Variants in LEMD2 observed in about 807,000 individuals in gnomAD.
LEMD2 encodes the protein LEM domain nuclear envelope protein 2, also known as LEM domain-containing protein 2.
In LEMD2, 34 loss-of-function variants were observed where a neutral mutation model predicts 58.8. That is an observed-to-expected ratio of 0.58 (90% CI 0.44 to 0.77). The LOEUF is 0.77. Among genes scored for constraint, LEMD2 ranks in the 30% least tolerant of loss-of-function variants. The pLI, the probability that LEMD2 is intolerant of heterozygous loss-of-function variation, is 0.00. For missense variants in LEMD2, 629 were observed against 717.9 expected, an observed-to-expected ratio of 0.88 and a Z score of 1.42; for synonymous variants, 298 against 308.9, an observed-to-expected ratio of 0.96 and a Z score of 0.37.
chr6:33,784,847 C>G (rs1162947377), intron 2 of LEMD2, among the ~76,000 whole-genome samples: 1 of 152,204 alleles, frequency 6.6e-6, no homozygotes, highest in Non-Finnish European at 1.5e-5. Flanking sequence ...GCTAGGAGAG[C>G]TTGCAGACAG....
chr6:33,788,855 A>T lies in LEMD2; in HGVS notation c.262T>A (p.Trp88Arg). 1 of 1,390,902 alleles carries T rather than the reference A, an allele frequency of 7.2e-7. No homozygotes were observed. The highest frequency in any genetic ancestry group is 9.3e-7 in the Non-Finnish European group (1 of 1,079,070). 86.2% of individuals were successfully genotyped at this position (1,390,902 alleles called of 1,614,324 possible). Reference sequence around the variant, plus strand: ...GAGCCCGAGGCCGGCTGGGAGAGCCAGGGCTCCGCCCGCGGAGAGGCCGCG... The same window carrying T: ...GAGCCCGAGGCCGGCTGGGAGAGCCTGGGCTCCGCCCGCGGAGAGGCCGCG... ...PAAASPRAEP[W>R]LSQPASGSAY... Residue 88 changes from tryptophan to arginine, a missense_variant, in exon 1 of 9, where the codon TGG becomes AGG. Physicochemically the swap from Trp to Arg is moderately radical, Grantham distance 101 (BLOSUM62 -3). Transcript: ENST00000293760.
chr6:33,782,236 A>G (rs1767581505), intron 3 of LEMD2: 1 of 152,250 alleles, frequency 6.6e-6, no homozygotes, highest in Non-Finnish European at 1.5e-5. Flanking sequence ...TCCCTTTCCC[A>G]ATCCAGTTGT....
intron 3 of LEMD2, among the ~76,000 whole-genome samples, chr6:33,783,176 G>A (rs1359717895): frequency 1.3e-5 from 2 of 152,160 alleles, no homozygotes; most frequent in African/African-American, 2.4e-5. Flanking sequence ...GAGACACAAA[G>A]GTTTGGAACA....
chr6:33,784,477 G>GGGGGGGGGGGGGGGGGGGCCCCCCCCC, intron 2 of LEMD2, 50 bp from the exon 3 acceptor site: 1 of 430,810 alleles, frequency 2.3e-6, no homozygotes, highest in Non-Finnish European at 4.8e-6. Flanking sequence ...GGTGGGAGGG[G>GGGGGGGGGGGGGGGGGGGCCCCCCCCC]TCCGTCTGTC....
Position 33,777,232 on chromosome 6 carries a change from A to T in LEMD2, c.1164T>A (p.Ala388=). ...GGAGAATTAGGAGCCCCCACAAAAAAGCCAAGCCTGTGAGGGAACAAAACA... is the reference window on the plus strand; with the variant it reads ...GGAGAATTAGGAGCCCCCACAAAAATGCCAAGCCTGTGAGGGAACAAAACA... ...TNVLIFFWCL[A]FLWGLLILLK... The change falls in exon 7 of 9, where the codon GCT becomes GCA. Residue 388 remains alanine (A), a synonymous_variant. Coordinates refer to ENST00000293760, the MANE Select transcript of LEMD2 (RefSeq NM_181336.4). The T allele has an allele frequency of 1.9e-6, 3 of 1,613,168 alleles. No homozygotes were observed. The highest frequency in any genetic ancestry group is 1.7e-6 in the Non-Finnish European group (2 of 1,179,130).
At chr6:33,784,023 GC>G (rs1767620717) in intron 3 of LEMD2, among the ~76,000 whole-genome samples, 1 of 152,230 alleles carries the variant, frequency 6.6e-6, no homozygotes, top group Admixed American at 6.5e-5. Context: ...CTGGGGCTTG[GC>G]CCCTTCCCAT....
Position 33,788,705 on chromosome 6 carries a change from T to C in LEMD2, c.412A>G (p.Ser138Gly). Reference sequence around the variant, plus strand: ...CGGGCGTCCTCGTCCTCCTCGGAGCTGCCCCGGACCGAGGCGCGGCGCCTG... The same window carrying C: ...CGGGCGTCCTCGTCCTCCTCGGAGCCGCCCCGGACCGAGGCGCGGCGCCTG... ...QLRRRASVRG[S>G]SEEDEDARTP... The change falls in exon 1 of 9, where the codon AGC (serine) becomes GGC (glycine). Residue 138 changes from serine (S) to glycine (G), a missense_variant. Physicochemically the swap from Ser to Gly is moderately conservative, Grantham distance 56. Transcript: ENST00000293760. The C allele has an allele frequency of 7.2e-7, 1 of 1,390,526 alleles. No individual in the cohort carries two copies. The highest frequency in any genetic ancestry group is 9.3e-7 in the Non-Finnish European group (1 of 1,070,500). 86.1% of individuals were successfully genotyped at this position (1,390,526 alleles called of 1,614,324 possible).
rs147300954 is a variant in LEMD2 at position 33,772,773 on chromosome 6, C to A, written c.1367G>T (p.Arg456Leu). 2.5e-6 allele frequency: 4 copies of A among 1,612,840 alleles called. No homozygotes were observed. The highest frequency in any genetic ancestry group is 2.2e-5 in the East Asian group (1 of 44,856). ...AGCTCGGTCCCAGACACGCTTCATG[C>A]GCCTCCTGCAATGAGAGGGACGGGG... The part of the protein sequence containing the change: ...DSLIPPQSRR[R>L]MKRVWDRAVE... The change falls in exon 9 of 9, where the codon CGC becomes CTC. Residue 456 changes from arginine to leucine, a missense_variant. Arg to Leu is a moderately radical substitution (Grantham distance 102). This residue lies in a region of LEMD2 where 243 missense variants were observed against 336.8 expected (regional missense o/e 0.72). Transcript: ENST00000293760.
chr6:33,783,741 T>A (rs1264346042), intron 3 of LEMD2, among the ~76,000 whole-genome samples: 1 of 152,244 alleles, frequency 6.6e-6, no homozygotes, highest in Admixed American at 6.5e-5. Flanking sequence ...GTGCTGAGAA[T>A]GCCCTCCTTT....
intron 3 of LEMD2, chr6:33,781,888 T>C (rs1767572874): frequency 6.6e-6 from 1 of 152,086 alleles, no homozygotes; most frequent in African/African-American, 2.4e-5. Flanking sequence ...GCAGGGAGGG[T>C]GCAGGGCCAC....
At position 33,788,993 on chromosome 6, in the gene LEMD2, C is replaced by T; in HGVS notation, c.124G>A (p.Ala42Thr). ...RNKLRRLRGE[A>T]RLRDEERLRE... ...AGCCGCTCCTCGTCGCGCAGCCGGG[C>T]CTCGCCCCGCAGGCGGCGCAGCTTG... The change falls in exon 1 of 9, where the codon GCC (alanine) becomes ACC (threonine). Residue 42 changes from alanine (A) to threonine (T), a missense_variant. Ala to Thr is a moderately conservative substitution (Grantham distance 58). Around this residue, in one of 2 missense-constraint regions of LEMD2, gnomAD observed 386 missense variants for 381.1 expected, o/e 1.01. Transcript: ENST00000293760. The T allele has an allele frequency of 6.5e-7, 1 of 1,549,092 alleles. No individual in the cohort carries two copies. The highest frequency in any genetic ancestry group is 1.9e-5 in the Admixed American group (1 of 52,158).
At chr6:33,774,797 G>A (rs1429738656) in intron 8 of LEMD2, among the ~76,000 whole-genome samples, 1 of 152,120 alleles carries the variant, frequency 6.6e-6, no homozygotes. Context: ...CTTAGGGCTT[G>A]TCACTACCTA....
intron 8 of LEMD2, 78 bp from the exon 9 acceptor site, chr6:33,772,856 C>T: frequency 7.5e-7 from 1 of 1,327,782 alleles, no homozygotes; most frequent in Non-Finnish European, 1.0e-6. Flanking sequence ...ACAAAGGGCA[C>T]ACATTTCCAG....
At chr6:33,774,526 T>G (rs1767386460) in intron 8 of LEMD2, among the ~76,000 whole-genome samples, 1 of 149,926 alleles carries the variant, frequency 6.7e-6, no homozygotes, top group Non-Finnish European at 1.5e-5. Context: ...ACCTCTTGGG[T>G]TCAAGTGATT....
Position 33,788,669 on chromosome 6 carries a change from T to C in LEMD2, c.448A>G (p.Arg150Gly), listed in dbSNP as rs898794468. ...GCGAGACCCGGGCCCTGCGTGGCCC[T>C]GTCGGGCGTCCGGGCGTCCTCGTCC... Reference protein sequence around the residue: ...EEDEDARTPDRATQGPGLAAR... With the variant: ...EEDEDARTPDGATQGPGLAAR... Residue 150 changes from arginine (R) to glycine (G), a missense_variant, in exon 1 of 9, where the codon AGG becomes GGG. Arg to Gly is a moderately radical substitution (Grantham distance 125). This residue lies in a region of LEMD2 where 386 missense variants were observed against 381.1 expected (regional missense o/e 1.01). Coordinates refer to ENST00000293760, the MANE Select transcript of LEMD2 (RefSeq NM_181336.4). The C allele has an allele frequency of 1.5e-6, 2 of 1,329,008 alleles. No individual in the cohort carries two copies. Among genetic ancestry groups the C allele is most frequent in the African/African-American group, 1.5e-5 (1 of 65,282 alleles). 82.3% of individuals were successfully genotyped at this position (1,329,008 alleles called of 1,614,324 possible).
chr6:33,788,340 C>G (rs542164939), intron 1 of LEMD2, 41 bp downstream of exon 1: 4 of 1,505,032 alleles, frequency 2.7e-6, no homozygotes, highest in Non-Finnish European at 3.6e-6. Flanking sequence ...GGCGGACACA[C>G]GCGCGCCCAG....
chr6:33,788,691 G>C lies in LEMD2; in HGVS notation c.426C>G (p.Asp142Glu). The stretch of plus-strand genomic sequence containing the variant: ...CCCTGTCGGGCGTCCGGGCGTCCTC[G>C]TCCTCCTCGGAGCTGCCCCGGACCG... ...RASVRGSSEE[D>E]EDARTPDRAT... Residue 142 changes from aspartate to glutamate, a missense_variant, in exon 1 of 9, where the codon GAC becomes GAG. Transcript: ENST00000293760. 7.4e-7 allele frequency: 1 copy of C among 1,359,004 alleles called. No homozygotes were observed. The highest frequency in any genetic ancestry group is 9.5e-7 in the Non-Finnish European group (1 of 1,054,120). The allele number at this position is 1,359,004 out of a possible 1,614,324, so 84.2% of individuals were successfully genotyped here.
At chr6:33,775,030 C>T (rs1410003338) in intron 8 of LEMD2, among the ~76,000 whole-genome samples, 1 of 152,196 alleles carries the variant, frequency 6.6e-6, no homozygotes, top group Non-Finnish European at 1.5e-5. Flanking sequence ...TGCAAGGCAG[C>T]GGGATCACCT....
chr6:33,774,943 G>A (rs912497184), intron 8 of LEMD2, among the ~76,000 whole-genome samples: 1 of 151,372 alleles, frequency 6.6e-6, no homozygotes, highest in Non-Finnish European at 1.5e-5. Flanking sequence ...GCATGTAGTA[G>A]GTGCTCAATA....
Sources: gnomAD v4.1 joint callset for allele counts (sites outside exome capture counted in the v4.1 genomes callset) on GRCh38, gnomAD v4.1.1 for gene constraint, gnomAD v4.1.1 regional missense constraint, MANE v1.5 for transcripts, NCBI Gene and HGNC (gene_info 2026-07-23, HGNC 2026-07-21) for gene names.